CORO1C: variants seen among roughly 807,000 people sequenced by gnomAD.
CORO1C encodes coronin 1C.
A neutral mutation model predicts 51.2 loss-of-function variants in CORO1C; 14 were observed. The ratio of observed to expected loss-of-function variants is 0.27; its 90% CI spans 0.18 to 0.43. CORO1C has a LOEUF of 0.43. Among genes scored for constraint, CORO1C ranks in the 20% least tolerant of loss-of-function variants. The pLI is 1.00. For synonymous variants in CORO1C, 181 were observed against 210.5 expected, an observed-to-expected ratio of 0.86 and a Z score of 1.21; for missense variants, 417 against 607.8, an observed-to-expected ratio of 0.69 and a Z score of 3.30.
intron 1 of CORO1C, among the ~76,000 whole-genome samples, chr12:108,712,905 T>C (rs1318920565): frequency 3.2e-5 from 4 of 123,744 alleles, no homozygotes; most frequent in South Asian, 5.9e-4. Flanking sequence ...AGCAAGATCA[T>C]GTCTCTTTAA....
At chr12:108,655,515 G>A (rs901835377) in intron 6 of CORO1C, among the ~76,000 whole-genome samples, 5 of 152,148 alleles carry the variant, frequency 3.3e-5, no homozygotes, top group Non-Finnish European at 5.9e-5. Context: ...GAGTGCCTGC[G>A]ATTGCAAGCG....
intron 2 of CORO1C, among the ~76,000 whole-genome samples, chr12:108,695,114 GCTGCAGGAT>G (rs1332606715): frequency 1.3e-5 from 2 of 152,172 alleles, no homozygotes; most frequent in Non-Finnish European, 2.9e-5. Context: ...CTTTACTAGG[GCTGCAGGAT>G]CTACTTTCAA....
intron 3 of CORO1C, among the ~76,000 whole-genome samples, chr12:108,666,116 A>C (rs2033466359): frequency 6.6e-6 from 1 of 152,236 alleles, no homozygotes; most frequent in Non-Finnish European, 1.5e-5. Context: ...AGGATGAACA[A>C]GACTTAGGTG....
chr12:108,723,944 C>T (rs1592955701), intron 1 of CORO1C, among the ~76,000 whole-genome samples: 2 of 152,254 alleles, frequency 1.3e-5, no homozygotes, highest in East Asian at 3.9e-4. Flanking sequence ...TACTAGTGCT[C>T]AGATTATAAG....
In CORO1C at chr12:108,692,565, T is replaced by C. The variant is rs932289576; in HGVS notation, c.195+8559A>G. On this transcript the variant is annotated intron_variant, in intron 2 of 10. Transcript: ENST00000261401. Reference sequence around the variant, plus strand: ...AGTAGCCCATGAAAGAAGGCACTTATCAGCACGGCGCCTGGCACTTAAAGG... The same window carrying C: ...AGTAGCCCATGAAAGAAGGCACTTACCAGCACGGCGCCTGGCACTTAAAGG... 4.6e-5 allele frequency among the ~76,000 whole-genome samples: 7 copies of C among 152,234 alleles called. 1 individual carries two copies. Among genetic ancestry groups the C allele is most frequent in the Admixed American group, 3.9e-4 (6 of 15,282 alleles).
chr12:108,717,199 A>G (rs547037116), intron 1 of CORO1C, among the ~76,000 whole-genome samples: 8 of 152,346 alleles, frequency 5.3e-5, no homozygotes, highest in African/African-American at 1.9e-4. Context: ...AGCTGGGAGG[A>G]ACAACAAAAT....
At chr12:108,709,079 G>A (rs1440773671) in intron 1 of CORO1C, among the ~76,000 whole-genome samples, 1 of 151,980 alleles carries the variant, frequency 6.6e-6, no homozygotes, top group African/African-American at 2.4e-5. Context: ...TAATGAAAAT[G>A]TTCTAAAATT....
At chr12:108,661,645 G>T (rs186647976) in intron 4 of CORO1C, among the ~76,000 whole-genome samples, 2 of 152,168 alleles carry the variant, frequency 1.3e-5, no homozygotes, top group African/African-American at 4.8e-5. Context: ...CCTAATAGGG[G>T]TCTCCCAAAG....
At position 108,646,673 on chromosome 12, in the gene CORO1C, T is replaced by C. The variant is rs537522284; in HGVS notation, c.*730A>G. 1.3e-5 allele frequency: 2 copies of C among 152,134 alleles called. No homozygotes were observed. Among genetic ancestry groups the C allele is most frequent in the East Asian group, 3.9e-4 (2 of 5,170 alleles). 9.4% of individuals were successfully genotyped at this position (152,134 alleles called of 1,614,324 possible). On this transcript the variant is annotated 3_prime_UTR_variant, in exon 11 of 11. Coordinates refer to ENST00000261401, the MANE Select transcript of CORO1C (RefSeq NM_014325.4). ...AGAAAAGAGAAAGGAAAAGAAGAAATACGACGTGAGCTTTTTTGATCAGAA... is the reference window on the plus strand; with the variant it reads ...AGAAAAGAGAAAGGAAAAGAAGAAACACGACGTGAGCTTTTTTGATCAGAA...
intron 8 of CORO1C, among the ~76,000 whole-genome samples, chr12:108,650,888 T>C (rs930694129): frequency 3.3e-5 from 5 of 152,240 alleles, no homozygotes; most frequent in Admixed American, 6.5e-5. Flanking sequence ...ACCACAATTT[T>C]CAATTATCTT....
At chr12:108,654,196 C>A (rs889540008) in intron 7 of CORO1C, 110 bp downstream of exon 7, 6 of 752,444 alleles carry the variant, frequency 8.0e-6, no homozygotes, top group African/African-American at 6.9e-5. Context: ...CATACACACA[C>A]AAATTAGAAA....
chr12:108,720,472 CAT>C (rs2035450125), intron 1 of CORO1C, among the ~76,000 whole-genome samples: 2 of 151,988 alleles, frequency 1.3e-5, no homozygotes, highest in South Asian at 2.1e-4. Context: ...ATCTTGCTAA[CAT>C]ATTTATTTAC....
chr12:108,722,598 G>A (rs7974616), intron 1 of CORO1C, among the ~76,000 whole-genome samples: 2,839 of 152,264 alleles, frequency 0.019, 79 homozygotes, highest in African/African-American at 0.065. Flanking sequence ...GGCTGGGAAC[G>A]TACCCACCAC....
chr12:108,728,224 G>A (rs919570245), intron 1 of CORO1C, among the ~76,000 whole-genome samples: 3 of 151,870 alleles, frequency 2.0e-5, no homozygotes, highest in South Asian at 2.1e-4. Context: ...AAATGAAAAC[G>A]TATGTTCACA....
intron 8 of CORO1C, among the ~76,000 whole-genome samples, chr12:108,651,889 G>A (rs888042853): frequency 6.6e-6 from 1 of 152,090 alleles, no homozygotes; most frequent in African/African-American, 2.4e-5. Context: ...GCCGGGTGTG[G>A]TGGTGGGCGC....
chr12:108,670,097 AAGAC>A (rs1428631142), intron 3 of CORO1C, among the ~76,000 whole-genome samples: 6 of 152,194 alleles, frequency 3.9e-5, no homozygotes, highest in Non-Finnish European at 8.8e-5. Flanking sequence ...CCTCCGTAAA[AAGAC>A]AGAGCTAGCA....
intron 3 of CORO1C, among the ~76,000 whole-genome samples, chr12:108,674,179 T>C (rs1168380453): frequency 6.6e-6 from 1 of 152,212 alleles, no homozygotes; most frequent in African/African-American, 2.4e-5. Flanking sequence ...TCATTTTGAC[T>C]TTCAAATCTT....
intron 3 of CORO1C, among the ~76,000 whole-genome samples, chr12:108,662,984 A>G (rs1243938676): frequency 6.6e-6 from 1 of 152,252 alleles, no homozygotes; most frequent in Non-Finnish European, 1.5e-5. Flanking sequence ...CAACCAAAGG[A>G]CAAATAACCC....
At chr12:108,696,704 T>A (rs533365935) in intron 2 of CORO1C, among the ~76,000 whole-genome samples, 1 of 152,356 alleles carries the variant, frequency 6.6e-6, no homozygotes, top group Admixed American at 6.5e-5. Context: ...TTATTCATCC[T>A]CTGAAGGACT....
Sources: allele counts gnomAD v4.1 joint callset (sites outside exome capture counted in the v4.1 genomes callset), GRCh38; gene constraint gnomAD v4.1.1; transcripts MANE v1.5; gene names NCBI Gene and HGNC (gene_info 2026-07-23, HGNC 2026-07-21).